RO60: variants seen among roughly 807,000 people sequenced by gnomAD.
The protein encoded by RO60 is Ro60, Y RNA binding protein, also known as RNA-binding protein RO60.
Under a neutral mutation model 55.3 loss-of-function variants are expected in RO60, and 20 were observed. That is an observed-to-expected ratio of 0.36 (90% CI 0.25 to 0.53). The LOEUF (loss-of-function observed/expected upper bound fraction) is 0.53. Ranked by LOEUF, RO60 falls within the 20% of genes least tolerant of loss-of-function variation. The probability of loss-of-function intolerance (pLI) is 0.92; values close to 1 mark genes in which losing one functional copy is unlikely to be tolerated. For missense variants in RO60, 558 were observed against 646.6 expected, an observed-to-expected ratio of 0.86 and a Z score of 1.49; for synonymous variants, 213 against 213.6, an observed-to-expected ratio of 1.00 and a Z score of 0.02.
chr1:193,087,395 C>T lies in RO60; in HGVS notation c.*2664C>T, dbSNP rs185666931. The T allele has an allele frequency of 2.0e-5, 3 of 152,170 alleles. No homozygotes were observed. In the East Asian group the frequency reaches 5.8e-4, roughly 29 times the overall value. The allele number at this position is 152,170 out of a possible 1,614,324, so 9.4% of individuals were successfully genotyped here. ...TTCCTAGGTAGTATGTAAATAGTTC[C>T]AGGATATAGTTGTAATTAGTAAAAC... is the stretch of plus-strand genomic sequence containing the variant. On this transcript the variant is annotated 3_prime_UTR_variant, in exon 9 of 9. Coordinates refer to ENST00000400968, the MANE Select transcript of RO60 (RefSeq NM_001173524.2).
chr1:193,073,530 A>T lies in RO60; in HGVS notation c.581-2290A>T, dbSNP rs79209481. The stretch of plus-strand genomic sequence containing the variant: ...CCACTTGTCAGGGCACACTCTGTTC[A>T]GTCACCACACCCTAACAACTCTCTA... On this transcript the variant is annotated intron_variant, in intron 2 of 8. Coordinates refer to ENST00000400968, the MANE Select transcript of RO60 (RefSeq NM_001173524.2). Among the ~76,000 whole-genome samples, 899 of 152,242 alleles carry T rather than the reference A, an allele frequency of 5.9e-3. 29 individuals are homozygous for T. The East Asian group carries it at 0.12, about 20-fold the overall frequency.
intron 1 of RO60, among the ~76,000 whole-genome samples, chr1:193,066,203 A>C (rs1673093731): frequency 6.6e-6 from 1 of 152,208 alleles, no homozygotes; most frequent in South Asian, 2.1e-4. Context: ...TTCTTTAAGA[A>C]ATTCCTTCAG....
chr1:193,059,788 G>A lies in RO60; in HGVS notation c.-22+12G>A. 1 of 1,356,624 alleles carries A rather than the reference G, an allele frequency of 7.4e-7. No individual in the cohort carries two copies. The allele number at this position is 1,356,624 out of a possible 1,614,324, so 84.0% of individuals were successfully genotyped here. A position where few individuals can be genotyped will look rare whatever the true frequency, so the allele number is the denominator to read the frequency against. ...GCTGCCAGGTACAGGTGAGGACATT[G>A]CGGGAGGCCGGCTGGGAGCCTTTTG... On this transcript the variant is annotated intron_variant, in intron 1 of 8. Transcript: ENST00000400968. This position sits in a 1 kb window ranked among gnomAD's most constrained non-coding sequence, Gnocchi z 4.9.
chr1:193,076,363 C>T (rs970546847), intron 3 of RO60, 138 bp from the exon 4 acceptor site: 2 of 863,196 alleles, frequency 2.3e-6, no homozygotes, highest in African/African-American at 1.8e-5. Flanking sequence ...TTTACTTAGA[C>T]ATTTTTCATT....
chr1:193,066,423 G>A (rs1174322903), intron 1 of RO60, among the ~76,000 whole-genome samples: 1 of 152,136 alleles, frequency 6.6e-6, no homozygotes, highest in Non-Finnish European at 1.5e-5. Flanking sequence ...CTGTAATCAA[G>A]CTACTTCTTA....
At chr1:193,074,697 G>C (rs1242742218) in intron 2 of RO60, among the ~76,000 whole-genome samples, 1 of 152,206 alleles carries the variant, frequency 6.6e-6, no homozygotes, top group Non-Finnish European at 1.5e-5. Context: ...TGTTCACTCT[G>C]ATGGTAGTTT....
intron 2 of RO60, among the ~76,000 whole-genome samples, chr1:193,075,448 A>ATACAT (rs1335573658): frequency 1.3e-5 from 2 of 151,612 alleles, no homozygotes; most frequent in African/African-American, 4.8e-5. Context: ...ATATAATATA[A>ATACAT]TACATTACAA....
Position 193,085,393 on chromosome 1 carries a change from A to G in RO60, c.*662A>G. Reference sequence around the variant, plus strand: ...ACCATTAATCAGAAACATCATGGCAACCCCTAAGAATAGACTAAGTTTGTG... The same window carrying G: ...ACCATTAATCAGAAACATCATGGCAGCCCCTAAGAATAGACTAAGTTTGTG... On this transcript the variant is annotated 3_prime_UTR_variant, in exon 9 of 9. Coordinates refer to ENST00000400968, the MANE Select transcript of RO60 (RefSeq NM_001173524.2). The G allele has an allele frequency of 1.0e-6, 1 of 988,940 alleles. No homozygotes were observed. Among genetic ancestry groups the G allele is most frequent in the Non-Finnish European group, 1.2e-6 (1 of 832,668 alleles). The allele number at this position is 988,940 out of a possible 1,614,324, so 61.3% of individuals were successfully genotyped here.
At position 193,071,805 on chromosome 1, in the gene RO60, A is replaced by AAT. The variant is rs751762152; in HGVS notation, c.580+2181_580+2182dup. 4.7e-5 allele frequency among the ~76,000 whole-genome samples: 7 copies of AAT among 147,814 alleles called. No homozygotes were observed. In the East Asian group the frequency reaches 5.9e-4, roughly 12 times the overall value. ...AATGTTAGTATATAGTATAGTATGTAATATATATATACCTATATACATATA... is the reference window on the plus strand; with the variant it reads ...AATGTTAGTATATAGTATAGTATGTAATATATATATATACCTATATACATATA... On this transcript the variant is annotated intron_variant, in intron 2 of 8. Transcript: ENST00000400968.
At position 193,085,115 on chromosome 1, in the gene RO60, G is replaced by GA; in HGVS notation, c.*387dup. ...ACGTTTTCTTAAATGTTTTCATTGG[G>GA]AAAGGACAGCTTTGATAATGTCCAA... On this transcript the variant is annotated 3_prime_UTR_variant, in exon 9 of 9. Coordinates refer to ENST00000400968, the MANE Select transcript of RO60 (RefSeq NM_001173524.2). The GA allele has an allele frequency of 7.0e-7, 1 of 1,438,362 alleles. No individual in the cohort carries two copies. The highest frequency in any genetic ancestry group is 9.1e-7 in the Non-Finnish European group (1 of 1,097,990). The allele number at this position is 1,438,362 out of a possible 1,614,324, so 89.1% of individuals were successfully genotyped here.
chr1:193,081,160 T>C (rs1005826439), intron 5 of RO60, among the ~76,000 whole-genome samples: 1 of 152,154 alleles, frequency 6.6e-6, no homozygotes, highest in Middle Eastern at 3.2e-3. Flanking sequence ...CTGTAAAAGC[T>C]AAGTATTTTT....
intron 8 of RO60, 98 bp from the exon 9 acceptor site, chr1:193,084,481 A>C: frequency 7.4e-7 from 1 of 1,348,940 alleles, no homozygotes; most frequent in Non-Finnish European, 9.8e-7. Flanking sequence ...GTATTTAAAA[A>C]GCTCTGGTAG....
chr1:193,064,266 G>A (rs1027827561), intron 1 of RO60, among the ~76,000 whole-genome samples: 2 of 152,176 alleles, frequency 1.3e-5, no homozygotes, highest in African/African-American at 4.8e-5. Context: ...TTCATGGAAG[G>A]TTGGCCTGAC....
At chr1:193,066,568 G>A (rs1194025633) in intron 1 of RO60, among the ~76,000 whole-genome samples, 2 of 152,098 alleles carry the variant, frequency 1.3e-5, no homozygotes, top group African/African-American at 2.4e-5. Flanking sequence ...TCTCTTCCTT[G>A]TAGTCCATGA....
chr1:193,078,474 C>T (rs965728261), intron 5 of RO60, among the ~76,000 whole-genome samples: 4 of 152,008 alleles, frequency 2.6e-5, no homozygotes, highest in Non-Finnish European at 5.9e-5. Flanking sequence ...TAAAATTATC[C>T]TCAGATGCCA....
chr1:193,059,917 G>A lies in RO60; in HGVS notation c.-22+141G>A, dbSNP rs531788256. 7.3e-6 allele frequency: 10 copies of A among 1,365,920 alleles called. No homozygotes were observed. In the South Asian group the frequency reaches 1.0e-4, roughly 14 times the overall value. The allele number at this position is 1,365,920 out of a possible 1,614,324, so 84.6% of individuals were successfully genotyped here. On this transcript the variant is annotated intron_variant, in intron 1 of 8. Transcript: ENST00000400968. This position sits in a 1 kb window ranked among gnomAD's most constrained non-coding sequence, Gnocchi z 4.9. ...CGCCGCGAAACTATCGCTCTTCCCCGTCCCGCTTCCGCGCCTGTCCACCCT... is the reference window on the plus strand; with the variant it reads ...CGCCGCGAAACTATCGCTCTTCCCCATCCCGCTTCCGCGCCTGTCCACCCT...
rs957421399 is a variant in RO60 at position 193,059,864 on chromosome 1, C to A, written c.-22+88C>A. The stretch of plus-strand genomic sequence containing the variant: ...TGACCAGTCCTCCATGTCTCTCACC[C>A]GCATCCCAGGGGTTGAGGCTGGGCA... On this transcript the variant is annotated intron_variant, in intron 1 of 8. Transcript: ENST00000400968. The surrounding 1 kb of genome is among the most constrained non-coding windows in gnomAD (Gnocchi z 4.9). 3 of 1,363,994 alleles carry A rather than the reference C, an allele frequency of 2.2e-6. No homozygotes were observed. The African/African-American group carries it at 4.4e-5, about 20-fold the overall frequency. The allele number at this position is 1,363,994 out of a possible 1,614,324, so 84.5% of individuals were successfully genotyped here. A position where few individuals can be genotyped will look rare whatever the true frequency, so the allele number is the denominator to read the frequency against.
intron 5 of RO60, among the ~76,000 whole-genome samples, 191 bp downstream of exon 5, chr1:193,077,241 C>T (rs1673987353): frequency 6.6e-6 from 1 of 151,824 alleles, no homozygotes; most frequent in African/African-American, 2.4e-5. Flanking sequence ...TTCTCTTTAC[C>T]TTTGGGTAGC....
At chr1:193,074,685 C>G (rs1223683804) in intron 2 of RO60, among the ~76,000 whole-genome samples, 1 of 152,142 alleles carries the variant, frequency 6.6e-6, no homozygotes, top group Non-Finnish European at 1.5e-5. Flanking sequence ...CTGTAGGTTG[C>G]CTGTTCACTC....
Sources: gnomAD v4.1 joint callset for allele counts (sites outside exome capture counted in the v4.1 genomes callset) on GRCh38, gnomAD v4.1.1 for gene constraint, Gnocchi (gnomAD v3.1) non-coding constraint, MANE v1.5 for transcripts, NCBI Gene and HGNC (gene_info 2026-07-23, HGNC 2026-07-21) for gene names.